CSF1R: variants seen among roughly 807,000 people sequenced by gnomAD.
The protein encoded by CSF1R is macrophage colony-stimulating factor 1 receptor.
Under a neutral mutation model 110.0 loss-of-function variants are expected in CSF1R, and 40 were observed. The ratio of observed to expected loss-of-function variants is 0.36; its 90% CI spans 0.28 to 0.47. The LOEUF (loss-of-function observed/expected upper bound fraction) is 0.47, where lower values mean the gene tolerates loss of function less well. Ranked by LOEUF, CSF1R falls within the 20% of genes least tolerant of loss-of-function variation. CSF1R has a pLI of 0.99. For synonymous variants in CSF1R, 523 were observed against 503.4 expected (o/e 1.04, Z -0.52); for missense variants, 1,052 against 1,253.0 (o/e 0.84, Z 2.42).
intron 1 of CSF1R, among the ~76,000 whole-genome samples, chr5:150,085,724 C>T (rs1581332836): frequency 6.6e-6 from 1 of 152,164 alleles, no homozygotes; most frequent in African/African-American, 2.4e-5. Flanking sequence ...GAGAGGCCAA[C>T]CTCTTGTCTC....
At chr5:150,087,174 C>A (rs1214325767), upstream of CSF1R, among the ~76,000 whole-genome samples, 1 of 152,118 alleles carries the variant, frequency 6.6e-6, no homozygotes, top group Non-Finnish European at 1.5e-5. Flanking sequence ...AGAATCTGAA[C>A]AATTGGTTGA....
At chr5:150,091,575 C>T (rs1006904079) in intron 1 of CSF1R, among the ~76,000 whole-genome samples, 8 of 152,034 alleles carry the variant, frequency 5.3e-5, no homozygotes, top group Non-Finnish European at 7.4e-5. Flanking sequence ...TAGAGGCAGA[C>T]GGTTGACGAG....
intron 9 of CSF1R, among the ~76,000 whole-genome samples, chr5:150,069,132 G>C (rs1757917508): frequency 6.6e-6 from 1 of 152,184 alleles, no homozygotes. Context: ...GCAGGCTCCT[G>C]CTTGCAGCTG....
chr5:150,085,598 G>A (rs976061770), intron 1 of CSF1R, among the ~76,000 whole-genome samples: 1 of 152,054 alleles, frequency 6.6e-6, no homozygotes, highest in Non-Finnish European at 1.5e-5. Flanking sequence ...CTGAGACTTG[G>A]CAGCCTGTGT....
chr5:150,059,427 A>G (rs1024957687), intron 14 of CSF1R, among the ~76,000 whole-genome samples: 1 of 152,338 alleles, frequency 6.6e-6, no homozygotes, highest in Non-Finnish European at 1.5e-5. Flanking sequence ...TCATTGATGC[A>G]TATCTCCACC....
chr5:150,080,022 C>A, intron 3 of CSF1R, 30 bp downstream of exon 3: 1 of 1,600,756 alleles, frequency 6.2e-7, no homozygotes, highest in Non-Finnish European at 8.5e-7. Flanking sequence ...ACTCTTCAGG[C>A]CTGGCTGCCG....
chr5:150,098,687 A>G (rs1561961281), intron 1 of CSF1R, among the ~76,000 whole-genome samples: 1 of 152,174 alleles, frequency 6.6e-6, no homozygotes, highest in Non-Finnish European at 1.5e-5. Context: ...TGATTCAGTA[A>G]AAACAAGGAA....
Position 150,080,254 on chromosome 5 carries a change from T to A in CSF1R, c.390A>T (p.Thr130=). The change falls in exon 3 of 21, where the codon ACA becomes ACT. Residue 130 remains threonine, a synonymous_variant. Transcript: ENST00000675795. ...DQDALLPCLL[T]DPVLEAGVSL... ...AGACGCCTGCTTCCAGCACCGGGTC[T>A]GTGAGCAGACAGGGCAGTAGTGCGT... The A allele has an allele frequency of 6.2e-7, 1 of 1,614,030 alleles. No homozygotes were observed. Among genetic ancestry groups the A allele is most frequent in the Non-Finnish European group, 8.5e-7 (1 of 1,180,034 alleles).
chr5:150,055,884 T>C, intron 18 of CSF1R, 142 bp downstream of exon 18: 1 of 699,304 alleles, frequency 1.4e-6, no homozygotes, highest in East Asian at 2.7e-5. Flanking sequence ...GGAGCCACGA[T>C]GCTGGGTTTC....
chr5:150,097,402 AG>A (rs1269366947), intron 1 of CSF1R, among the ~76,000 whole-genome samples: 1 of 151,942 alleles, frequency 6.6e-6, no homozygotes, highest in African/African-American at 2.4e-5. Flanking sequence ...GGAAAGAAGA[AG>A]AAAGAAAGAA....
At chr5:150,067,434 C>T (rs1313694580) in intron 10 of CSF1R, among the ~76,000 whole-genome samples, 2 of 152,212 alleles carry the variant, frequency 1.3e-5, no homozygotes, top group Non-Finnish European at 2.9e-5. Context: ...GTTTACAACT[C>T]TGTAAAACAG....
At chr5:150,076,870 G>T (rs769484511) in intron 5 of CSF1R, 6 of 253,834 alleles carry the variant, frequency 2.4e-5, no homozygotes, top group Non-Finnish European at 4.6e-5. Flanking sequence ...TCGAAGCCTG[G>T]GTTGGGGGGA....
chr5:150,061,646 C>G, intron 11 of CSF1R, 51 bp from the exon 12 acceptor site: 1 of 1,613,996 alleles, frequency 6.2e-7, no homozygotes, highest in African/African-American at 1.3e-5. Context: ...GGGCCTCTGT[C>G]CAAGGGCCCA....
rs946166592 is a variant in CSF1R, at chr5:150,071,609, C to T, written c.1083-1038G>A. Among the ~76,000 whole-genome samples the T allele has an allele frequency of 2.6e-5, 4 of 152,180 alleles. No individual in the cohort carries two copies. The East Asian group carries it at 5.8e-4, about 22-fold the overall frequency. Reference sequence around the variant, plus strand: ...AATTGAAAGTCACCATTATGAACAACCCATCACATGAACTAAAATTCTGTG... The same window carrying T: ...AATTGAAAGTCACCATTATGAACAATCCATCACATGAACTAAAATTCTGTG... On this transcript the variant is annotated intron_variant, in intron 6 of 20. Coordinates refer to ENST00000675795, the MANE Select transcript of CSF1R (RefSeq NM_001288705.3).
intron 5 of CSF1R, among the ~76,000 whole-genome samples, chr5:150,075,186 G>A (rs1758211012): frequency 6.6e-6 from 1 of 152,134 alleles, no homozygotes; most frequent in Non-Finnish European, 1.5e-5. Context: ...TTGGGGGCAA[G>A]GCTTTTCTCT....
At chr5:150,095,145 C>T in intron 1 of CSF1R, 1 of 729,118 alleles carries the variant, frequency 1.4e-6, no homozygotes, top group African/African-American at 1.8e-5. Context: ...AACAGAGCTT[C>T]AAACTACATG....
At chr5:150,086,149 C>T (rs963822721) in intron 1 of CSF1R, among the ~76,000 whole-genome samples, 1 of 151,872 alleles carries the variant, frequency 6.6e-6, no homozygotes, top group Non-Finnish European at 1.5e-5. Context: ...CACAGTGAGT[C>T]GCTGGCAGAG....
chr5:150,103,372 C>G (rs1042965538), intron 1 of CSF1R, among the ~76,000 whole-genome samples: 7 of 152,208 alleles, frequency 4.6e-5, no homozygotes. Context: ...AGCTCTGTTC[C>G]CTGTCCCTCG....
At chr5:150,099,133 C>G (rs2113860959) in intron 1 of CSF1R, among the ~76,000 whole-genome samples, 1 of 147,648 alleles carries the variant, frequency 6.8e-6, no homozygotes, top group South Asian at 2.1e-4. Context: ...ATCTCAAACT[C>G]TTGACCTCAG....
Sources: gnomAD v4.1 joint callset for allele counts (sites outside exome capture counted in the v4.1 genomes callset) on GRCh38, gnomAD v4.1.1 for gene constraint, MANE v1.5 for transcripts, NCBI Gene and HGNC (gene_info 2026-07-23, HGNC 2026-07-21) for gene names.